The following VSTM2A variants were observed in gnomAD, a reference collection of about 807,000 sequenced individuals.
VSTM2A encodes the protein V-set and transmembrane domain-containing protein 2A.
A neutral mutation model predicts 27.3 loss-of-function variants in VSTM2A; 13 were observed. The ratio of observed to expected loss-of-function variants is 0.48; its 90% CI spans 0.31 to 0.76. The LOEUF is 0.76. Ranked by LOEUF, VSTM2A falls within the 30% of genes least tolerant of loss-of-function variation. The probability of loss-of-function intolerance (pLI) is 0.05; values close to 1 mark genes in which losing one functional copy is unlikely to be tolerated. For missense variants in VSTM2A, 280 were observed against 310.0 expected (o/e 0.90, Z 0.73); for synonymous variants, 142 against 125.7 (o/e 1.13, Z -0.87).
chr7:54,547,222 T>C (rs2115791020), intron 3 of VSTM2A: 1 of 466,560 alleles, frequency 2.1e-6, no homozygotes, highest in South Asian at 4.5e-5. Context: ...TCGTTTGCTA[T>C]CCAGAGAGGT....
intron 4 of VSTM2A, 145 bp downstream of exon 4, chr7:54,550,315 A>G: frequency 6.8e-7 from 1 of 1,479,480 alleles, no homozygotes; most frequent in South Asian, 1.4e-5. Context: ...AGAGGTGAGC[A>G]CCGAGCCTGC....
chr7:54,560,906 A>T (rs1788541594), intron 4 of VSTM2A, among the ~76,000 whole-genome samples: 1 of 152,184 alleles, frequency 6.6e-6, no homozygotes, highest in Admixed American at 6.5e-5. Context: ...GGGCTCTGTT[A>T]TGAGTCAATG....
At chr7:54,550,734 C>G (rs1188576924) in intron 4 of VSTM2A, 1 of 153,620 alleles carries the variant, frequency 6.5e-6, no homozygotes, top group Non-Finnish European at 1.5e-5. Context: ...GGCAACTCCT[C>G]TGTGAATTTG....
intron 4 of VSTM2A, among the ~76,000 whole-genome samples, chr7:54,563,033 G>T (rs979877801): frequency 1.3e-5 from 2 of 152,144 alleles, no homozygotes; most frequent in Non-Finnish European, 2.9e-5. Flanking sequence ...CATTAAAGCA[G>T]TTATTAAATA....
chr7:54,566,482 G>A (rs1424280292), intron 4 of VSTM2A, among the ~76,000 whole-genome samples: 2 of 152,196 alleles, frequency 1.3e-5, no homozygotes, highest in Non-Finnish European at 2.9e-5. Context: ...TACTGCTGAA[G>A]TTCAGAGGAG....
chr7:54,556,342 A>C (rs879362647), intron 4 of VSTM2A, among the ~76,000 whole-genome samples: 1 of 152,208 alleles, frequency 6.6e-6, no homozygotes, highest in Non-Finnish European at 1.5e-5. Context: ...CTGACTGTTA[A>C]GAGGCAGCTG....
intron 4 of VSTM2A, 112 bp downstream of exon 4, chr7:54,550,282 C>T (rs1236942893): frequency 6.0e-6 from 9 of 1,507,684 alleles, no homozygotes; most frequent in Non-Finnish European, 7.1e-6. Context: ...AATCGGAGAC[C>T]TAGTTCAGTG....
intron 4 of VSTM2A, chr7:54,559,881 T>C (rs1788496636): frequency 6.6e-6 from 1 of 151,858 alleles, no homozygotes; most frequent in Non-Finnish European, 1.5e-5. Flanking sequence ...AACTTTAAAG[T>C]GAAAAAATAT....
chr7:54,551,349 A>G (rs2115826579), intron 4 of VSTM2A: 2 of 152,154 alleles, frequency 1.3e-5, no homozygotes, highest in African/African-American at 4.8e-5. Flanking sequence ...TTACTTCCTA[A>G]TGGATGTGAT....
chr7:54,568,980 G>A lies in VSTM2A; in HGVS notation c.635-151G>A. The A allele has an allele frequency of 2.5e-6, 4 of 1,572,116 alleles. No homozygotes were observed. In the South Asian group the frequency reaches 4.7e-5, roughly 18 times the overall value. On this transcript the variant is annotated intron_variant, in intron 4 of 4. Transcript: ENST00000402613. ...AAGGAGCGTTGGAAATCTTCAAGAT[G>A]AGCGAATATCTTATAACTTCTTCCG...
Position 54,569,437 on chromosome 7 carries a change from T to C in VSTM2A, c.*218T>C. On this transcript the variant is annotated 3_prime_UTR_variant, in exon 5 of 5. Coordinates refer to ENST00000402613, the MANE Select transcript of VSTM2A (RefSeq NM_001301009.2). Reference sequence around the variant, plus strand: ...TGCTCAAGGGTTGGCCTGAATGTCATCAGGATAGGGAATATTTACTATGGA... The same window carrying C: ...TGCTCAAGGGTTGGCCTGAATGTCACCAGGATAGGGAATATTTACTATGGA... 1.3e-6 allele frequency: 1 copy of C among 741,876 alleles called. No individual in the cohort carries two copies. The highest frequency in any genetic ancestry group is 1.9e-5 in the South Asian group (1 of 51,370). 46.0% of individuals were successfully genotyped at this position (741,876 alleles called of 1,614,324 possible).
At chr7:54,553,984 A>T in intron 4 of VSTM2A, 1 of 1,552,910 alleles carries the variant, frequency 6.4e-7, no homozygotes, top group Non-Finnish European at 8.7e-7. Context: ...CCAACGTCAC[A>T]CAGAACTGTG....
intron 4 of VSTM2A, among the ~76,000 whole-genome samples, chr7:54,553,564 T>C (rs1224073274): frequency 6.6e-6 from 1 of 152,192 alleles, no homozygotes; most frequent in Admixed American, 6.5e-5. Context: ...GAAGAAATGT[T>C]CTATAGATGT....
At position 54,550,353 on chromosome 7, in the gene VSTM2A, T is replaced by C. The variant is rs558356612; in HGVS notation, c.634+183T>C. The C allele has an allele frequency of 1.5e-5, 21 of 1,444,880 alleles. No individual in the cohort carries two copies. The Middle Eastern group carries it at 7.7e-4, about 53-fold the overall frequency. The allele number at this position is 1,444,880 out of a possible 1,614,324, so 89.5% of individuals were successfully genotyped here. The stretch of plus-strand genomic sequence containing the variant: ...CAATTCACTCAGAGCTCAAAGCATG[T>C]GGGTGCACCCCGTCAGTCCCCTAGT... On this transcript the variant is annotated intron_variant, in intron 4 of 4. Coordinates refer to ENST00000402613, the MANE Select transcript of VSTM2A (RefSeq NM_001301009.2).
intron 3 of VSTM2A, among the ~76,000 whole-genome samples, chr7:54,548,563 GACC>G (rs2115800924): frequency 6.6e-6 from 1 of 152,174 alleles, no homozygotes; most frequent in Non-Finnish European, 1.5e-5. Flanking sequence ...GAAAATCACT[GACC>G]CAAACACCCC....
At chr7:54,544,880 C>T in intron 2 of VSTM2A, 92 bp downstream of exon 2, 1 of 1,425,280 alleles carries the variant, frequency 7.0e-7, no homozygotes, top group African/African-American at 1.4e-5. Context: ...GCTGCCTGGA[C>T]ACCCCTGGGG....
intron 4 of VSTM2A, among the ~76,000 whole-genome samples, chr7:54,568,532 TA>T (rs576726910): frequency 0.011 from 1,546 of 143,116 alleles, 27 homozygotes; most frequent in African/African-American, 0.033. Flanking sequence ...TTTCGAGGAT[TA>T]AAAAAAAAAA....
intron 1 of VSTM2A, among the ~76,000 whole-genome samples, chr7:54,544,069 CAT>C (rs1445091043): frequency 2.6e-5 from 4 of 152,174 alleles, no homozygotes; most frequent in East Asian, 1.9e-4. Flanking sequence ...GAGAAGGAAA[CAT>C]ATACAGTTTA....
rs1421619287 is a variant in VSTM2A at position 54,547,008 on chromosome 7, G to GC, written c.297+11_297+12insC. The GC allele has an allele frequency of 3.8e-6, 6 of 1,586,012 alleles. No individual in the cohort carries two copies. Among genetic ancestry groups the GC allele is most frequent in the Non-Finnish European group, 5.1e-6 (6 of 1,168,570 alleles). ...GGGACCAAGATCAGCGTGAGTGCGG[G>GC]GCGCGCCAAGGGCCGCGGGCCCAGG... On this transcript the variant is annotated intron_variant, in intron 3 of 4. Transcript: ENST00000402613.
Sources: allele counts gnomAD v4.1 joint callset (sites outside exome capture counted in the v4.1 genomes callset), GRCh38; gene constraint gnomAD v4.1.1; transcripts MANE v1.5; gene names NCBI Gene and HGNC (gene_info 2026-07-23, HGNC 2026-07-21).